The following CNTNAP2 variants were observed in gnomAD, a reference collection of about 807,000 sequenced individuals.
CNTNAP2 encodes the protein contactin-associated protein-like 2.
Under a neutral mutation model 155.2 loss-of-function variants are expected in CNTNAP2, and 98 were observed. The ratio of observed to expected loss-of-function variants is 0.63; its 90% CI spans 0.54 to 0.75. The LOEUF (loss-of-function observed/expected upper bound fraction) is 0.75. CNTNAP2 is among the 30% of genes least tolerant of loss of function. CNTNAP2 has a pLI of 0.00. For synonymous variants in CNTNAP2, 651 were observed against 631.2 expected, an observed-to-expected ratio of 1.03 and a Z score of -0.47; for missense variants, 1,727 against 1,688.1, an observed-to-expected ratio of 1.02 and a Z score of -0.40.
At chr7:146,690,598 A>G (rs2129171507) in intron 1 of CNTNAP2, among the ~76,000 whole-genome samples, 1 of 152,314 alleles carries the variant, frequency 6.6e-6, no homozygotes, top group East Asian at 1.9e-4. Context: ...TTTTATGCGT[A>G]TGATAGCTAG....
intron 1 of CNTNAP2, among the ~76,000 whole-genome samples, chr7:146,250,317 G>GA (rs1563008036): frequency 6.6e-6 from 1 of 152,194 alleles, no homozygotes; most frequent in Admixed American, 6.6e-5. Context: ...TTGGCCTACA[G>GA]AAGGAACGGT....
At chr7:147,679,749 G>A (rs150821404) in intron 13 of CNTNAP2, among the ~76,000 whole-genome samples, 61 of 151,876 alleles carry the variant, frequency 4.0e-4, no homozygotes, top group African/African-American at 1.4e-3. Context: ...GAATTATATT[G>A]TTTATTTGTA....
rs145067379 is a variant in CNTNAP2, at chr7:147,685,609, C to T, written c.2098+46303C>T. 2.8e-4 allele frequency among the ~76,000 whole-genome samples: 43 copies of T among 151,338 alleles called. 1 individual carries two copies. In the East Asian group the frequency reaches 8.4e-3, roughly 29 times the overall value. On this transcript the variant is annotated intron_variant, in intron 13 of 23. Transcript: ENST00000361727. ...ATCAGATAACACAGTGAAAAAAAAACAGATGACAAATCGTCACCTTCTAAA... is the reference window on the plus strand; with the variant it reads ...ATCAGATAACACAGTGAAAAAAAAATAGATGACAAATCGTCACCTTCTAAA...
chr7:148,035,001 A>G (rs10232303), intron 15 of CNTNAP2, among the ~76,000 whole-genome samples: 50,515 of 152,122 alleles, frequency 0.33, 9,371 homozygotes, highest in East Asian at 0.75. Flanking sequence ...TATGGAAGGC[A>G]GAATTTAAGA....
chr7:147,861,714 TG>T (rs1799135582), intron 13 of CNTNAP2, among the ~76,000 whole-genome samples: 1 of 152,090 alleles, frequency 6.6e-6, no homozygotes, highest in Admixed American at 6.6e-5. Context: ...ATCCTTAAAG[TG>T]GCATATAAAT....
rs1186373408 is a variant in CNTNAP2, at chr7:148,137,729, GAAGGAA to G, written c.2555-9761_2555-9756del. Among the ~76,000 whole-genome samples, 267 of 139,602 alleles carry G rather than the reference GAAGGAA, an allele frequency of 1.9e-3. 3 individuals are homozygous for G. Among genetic ancestry groups the G allele is most frequent in the African/African-American group, 6.7e-3 (245 of 36,554 alleles). 91.6% of individuals were successfully genotyped at this position (139,602 alleles called of 152,430 possible). On this transcript the variant is annotated intron_variant, in intron 16 of 23. Transcript: ENST00000361727. ...GGAAGGAAGGAAGGAAGGAAGGAAGGAAGGAAGGTTCTCCTTTCCTCTCTAATGTCT... is the reference window on the plus strand; with the variant it reads ...GGAAGGAAGGAAGGAAGGAAGGAAGGGGTTCTCCTTTCCTCTCTAATGTCT...
At chr7:148,323,903 T>G (rs868818438) in intron 21 of CNTNAP2, among the ~76,000 whole-genome samples, 1,902 of 87,868 alleles carry the variant, frequency 0.022, 42 homozygotes, top group African/African-American at 0.073. Context: ...TTTTTTTTTT[T>G]GAGACGGAGT....
intron 14 of CNTNAP2, among the ~76,000 whole-genome samples, chr7:147,913,308 TG>T (rs1800100080): frequency 6.6e-6 from 1 of 152,208 alleles, no homozygotes; most frequent in South Asian, 2.1e-4. Flanking sequence ...TTTTAATTCC[TG>T]CCCCCAAATT....
intron 3 of CNTNAP2, among the ~76,000 whole-genome samples, chr7:146,946,380 A>C (rs1020583399): frequency 6.6e-6 from 1 of 152,188 alleles, no homozygotes; most frequent in Non-Finnish European, 1.5e-5. Flanking sequence ...GATATATTTT[A>C]ATAAAACATT....
At chr7:146,879,198 T>C (rs910260789) in intron 3 of CNTNAP2, among the ~76,000 whole-genome samples, 3 of 152,194 alleles carry the variant, frequency 2.0e-5, no homozygotes, top group South Asian at 2.1e-4. Context: ...TGATTTGATT[T>C]ACTCTTCTGA....
chr7:148,355,345 C>T (rs1383077861), intron 21 of CNTNAP2, among the ~76,000 whole-genome samples: 1 of 151,636 alleles, frequency 6.6e-6, no homozygotes, highest in East Asian at 1.9e-4. Context: ...CACTCATTGC[C>T]CAGACCCCCA....
chr7:148,179,129 A>G (rs1794992022), intron 18 of CNTNAP2, among the ~76,000 whole-genome samples: 1 of 152,192 alleles, frequency 6.6e-6, no homozygotes, highest in African/African-American at 2.4e-5. Flanking sequence ...GTCTTGGAGC[A>G]ATGTATCCAG....
At chr7:146,844,728 G>C (rs552055474) in intron 3 of CNTNAP2, among the ~76,000 whole-genome samples, 2 of 152,080 alleles carry the variant, frequency 1.3e-5, no homozygotes, top group Non-Finnish European at 1.5e-5. Context: ...TTGTAGGATA[G>C]GAACATACTA....
intron 13 of CNTNAP2, among the ~76,000 whole-genome samples, chr7:147,774,752 T>C (rs1441422179): frequency 1.3e-5 from 2 of 152,150 alleles, no homozygotes; most frequent in Non-Finnish European, 2.9e-5. Flanking sequence ...TCTCCAGAAC[T>C]AGAAGAAATA....
chr7:146,178,263 G>C (rs959238471), intron 1 of CNTNAP2, among the ~76,000 whole-genome samples: 4 of 152,086 alleles, frequency 2.6e-5, no homozygotes, highest in East Asian at 1.9e-4. Context: ...TCAATCTACC[G>C]ACCTCGTGAT....
intron 15 of CNTNAP2, among the ~76,000 whole-genome samples, chr7:148,041,290 C>T (rs1027473595): frequency 3.3e-5 from 5 of 152,184 alleles, no homozygotes; most frequent in African/African-American, 9.7e-5. Flanking sequence ...CAGGAAATAG[C>T]TGATGCAGTG....
intron 13 of CNTNAP2, among the ~76,000 whole-genome samples, chr7:147,899,948 G>C (rs894142977): frequency 6.6e-6 from 1 of 151,704 alleles, no homozygotes; most frequent in Non-Finnish European, 1.5e-5. Flanking sequence ...GGGTCTTCCT[G>C]CTCTCTGCTT....
chr7:147,057,805 G>A (rs2129261241), intron 4 of CNTNAP2, among the ~76,000 whole-genome samples: 1 of 152,258 alleles, frequency 6.6e-6, no homozygotes, highest in East Asian at 1.9e-4. Flanking sequence ...ACATTCATTT[G>A]ATTTATATAG....
intron 10 of CNTNAP2, among the ~76,000 whole-genome samples, chr7:147,410,492 A>G (rs188550365): frequency 1.3e-5 from 2 of 152,304 alleles, no homozygotes; most frequent in Admixed American, 6.5e-5. Context: ...CACCCATGAC[A>G]CTAGTTTACC....
Sources: allele counts gnomAD v4.1 joint callset (sites outside exome capture counted in the v4.1 genomes callset), GRCh38; gene constraint gnomAD v4.1.1; transcripts MANE v1.5; gene names NCBI Gene and HGNC (gene_info 2026-07-23, HGNC 2026-07-21).